RBBP8: variants seen among roughly 807,000 people sequenced by gnomAD.
RBBP8 encodes DNA endonuclease RBBP8.
Under a neutral mutation model 108.3 loss-of-function variants are expected in RBBP8, and 88 were observed. That is an observed-to-expected ratio of 0.81 (90% CI 0.68 to 0.97). The LOEUF (loss-of-function observed/expected upper bound fraction) is 0.97. Among genes scored for constraint, RBBP8 ranks in the 50% least tolerant of loss-of-function variants. RBBP8 has a pLI of 0.00. For synonymous variants in RBBP8, 332 were observed against 348.2 expected (o/e 0.95, Z 0.52); for missense variants, 1,023 against 1,049.0 (o/e 0.98, Z 0.34).
chr18:22,974,713 G>T (rs1466849483), intron 5 of RBBP8, among the ~76,000 whole-genome samples: 1 of 152,108 alleles, frequency 6.6e-6, no homozygotes, highest in Admixed American at 6.6e-5. Flanking sequence ...ACCCACCTCC[G>T]CCTCTGAGTG....
chr18:22,931,999 T>C (rs1003581973), upstream of RBBP8, among the ~76,000 whole-genome samples: 2 of 152,178 alleles, frequency 1.3e-5, no homozygotes, highest in East Asian at 1.9e-4. Flanking sequence ...TCTTGGATTA[T>C]GGAGGTAGTG....
At chr18:23,018,022 A>G (rs1321444691) in intron 17 of RBBP8, among the ~76,000 whole-genome samples, 1 of 148,090 alleles carries the variant, frequency 6.8e-6, no homozygotes, top group Non-Finnish European at 1.5e-5. Flanking sequence ...CTGGGATTAC[A>G]GACATGAACC....
chr18:22,976,637 T>G (rs888739389), intron 6 of RBBP8, among the ~76,000 whole-genome samples: 1 of 152,248 alleles, frequency 6.6e-6, no homozygotes, highest in South Asian at 2.1e-4. Flanking sequence ...CTTTCATTTT[T>G]TTTAAAAAAT....
Position 22,975,137 on chromosome 18 carries a change from T to C in RBBP8, c.362-16T>C, listed in dbSNP as rs757634106. 9 of 1,605,802 alleles carry C rather than the reference T, an allele frequency of 5.6e-6. No homozygotes were observed. Among genetic ancestry groups the C allele is most frequent in the Non-Finnish European group, 6.8e-6 (8 of 1,176,124 alleles). On this transcript the variant is annotated splice_polypyrimidine_tract_variant and intron_variant, in intron 5 of 18. Coordinates refer to ENST00000327155, the MANE Select transcript of RBBP8 (RefSeq NM_002894.3). ...ATAAATATATTATTTGCCTTCTTTT[T>C]CACATTGTTTTTAAGTGAATGAAAG... is the stretch of plus-strand genomic sequence containing the variant.
At chr18:22,983,151 T>C (rs890522776) in intron 7 of RBBP8, among the ~76,000 whole-genome samples, 2 of 152,220 alleles carry the variant, frequency 1.3e-5, no homozygotes, top group Non-Finnish European at 2.9e-5. Context: ...GTCCCAAAAT[T>C]TGTTATGTGC....
intron 16 of RBBP8, among the ~76,000 whole-genome samples, chr18:23,016,313 G>A (rs2046254572): frequency 6.6e-6 from 1 of 152,152 alleles, no homozygotes; most frequent in Non-Finnish European, 1.5e-5. Flanking sequence ...GGGAGGCTGA[G>A]GCGGGCAGAT....
chr18:22,922,844 G>A (rs1006724862), intron 3 of RBBP8, among the ~76,000 whole-genome samples: 1 of 151,896 alleles, frequency 6.6e-6, no homozygotes, highest in Non-Finnish European at 1.5e-5. Flanking sequence ...TTTGCCATTG[G>A]GTTAGATGAT....
At chr18:22,920,646 C>G (rs1234193394) in intron 3 of RBBP8, 3 of 152,028 alleles carry the variant, frequency 2.0e-5, no homozygotes, top group Non-Finnish European at 4.4e-5. Context: ...ACTCTCGAAA[C>G]ATTAAGAAAT....
rs1053358032 is a variant in RBBP8, at chr18:23,022,155, A to C, written c.2481A>C (p.Glu827Asp). ...EIYYADMPAE[E>D]REKKLASCSR... ...ATTATGCAGATATGCCAGCAGAAGA[A>C]AGAGAAAAGAAATTGGCTTCCTGCT... The change falls in exon 18 of 19, where the codon GAA becomes GAC. Residue 827 changes from glutamate (E) to aspartate (D), a missense_variant. Coordinates refer to ENST00000327155, the MANE Select transcript of RBBP8 (RefSeq NM_002894.3). The C allele has an allele frequency of 3.7e-6, 6 of 1,606,376 alleles. No homozygotes were observed. The highest frequency in any genetic ancestry group is 5.1e-6 in the Non-Finnish European group (6 of 1,173,056).
chr18:23,022,587 A>G, intron 18 of RBBP8, among the ~76,000 whole-genome samples: 1 of 120,088 alleles, frequency 8.3e-6, no homozygotes, highest in Non-Finnish European at 1.6e-5. Context: ...GGGCGACAGA[A>G]CAAGACTCTG....
chr18:22,939,349 A>G (rs1251543111), intron 2 of RBBP8, among the ~76,000 whole-genome samples: 2 of 152,134 alleles, frequency 1.3e-5, no homozygotes, highest in Non-Finnish European at 2.9e-5. Context: ...TCTACTAAAA[A>G]TACAAAATTA....
In RBBP8 at chr18:23,001,735, AT is replaced by A. The variant is rs2045952252; in HGVS notation, c.2287+13del. 6 of 1,614,070 alleles carry A rather than the reference AT, an allele frequency of 3.7e-6. No homozygotes were observed. Among genetic ancestry groups the A allele is most frequent in the South Asian group, 3.3e-5 (3 of 91,084 alleles). On this transcript the variant is annotated splice_region_variant and intron_variant, in intron 15 of 18. Transcript: ENST00000327155. The stretch of plus-strand genomic sequence containing the variant: ...TGCCACAAAGAAACTACACAGTAAG[AT>A]TTTTTTCTGTTTAATTATGGCTTCT...
intron 3 of RBBP8, among the ~76,000 whole-genome samples, chr18:22,948,724 T>C (rs1348518331): frequency 2.6e-5 from 4 of 152,172 alleles, no homozygotes; most frequent in Non-Finnish European, 5.9e-5. Flanking sequence ...CTTAATTGAT[T>C]TGATATTTTA....
intron 3 of RBBP8, among the ~76,000 whole-genome samples, chr18:22,949,415 A>G (rs1387900787): frequency 6.6e-6 from 1 of 152,246 alleles, no homozygotes; most frequent in Non-Finnish European, 1.5e-5. Flanking sequence ...CAATAGTGGC[A>G]TGATGACTTT....
chr18:23,013,966 G>T (rs1029166524), intron 16 of RBBP8, among the ~76,000 whole-genome samples: 3 of 152,090 alleles, frequency 2.0e-5, no homozygotes, highest in African/African-American at 7.2e-5. Context: ...TCACCCAAGA[G>T]CTCTGATGGA....
chr18:22,947,505 C>T (rs755697991), intron 3 of RBBP8, among the ~76,000 whole-genome samples: 7 of 151,998 alleles, frequency 4.6e-5, no homozygotes, highest in Non-Finnish European at 7.4e-5. Flanking sequence ...AAGATTTACC[C>T]AGCTTCTTAT....
In RBBP8 at chr18:22,946,639, G is replaced by A. The variant is rs112262203; in HGVS notation, c.152+153G>A. Among the ~76,000 whole-genome samples the A allele has an allele frequency of 0.015, 2,259 of 151,908 alleles. 55 individuals carry two copies. Among genetic ancestry groups the A allele is most frequent in the African/African-American group, 0.049 (2,035 of 41,448 alleles). ...TTAGCCCTACTTAGTATGGGCCTTGGTAGTCAGCAGCAGTTTTTTTTTTCA... is the reference window on the plus strand; with the variant it reads ...TTAGCCCTACTTAGTATGGGCCTTGATAGTCAGCAGCAGTTTTTTTTTTCA... On this transcript the variant is annotated intron_variant, in intron 3 of 18. Transcript: ENST00000327155.
At chr18:22,994,370 C>T (rs559173630) in intron 12 of RBBP8, among the ~76,000 whole-genome samples, 9 of 148,904 alleles carry the variant, frequency 6.0e-5, no homozygotes, top group Non-Finnish European at 1.2e-4. Context: ...TGGCCCGGTA[C>T]GGTGGCTCAC....
At chr18:22,960,353 C>A (rs1326671946) in intron 4 of RBBP8, among the ~76,000 whole-genome samples, 3 of 152,196 alleles carry the variant, frequency 2.0e-5, no homozygotes, top group Non-Finnish European at 4.4e-5. Context: ...AAGTTTGAGA[C>A]CAGCCGGGGC....
Sources: gnomAD v4.1 joint callset for allele counts (sites outside exome capture counted in the v4.1 genomes callset) on GRCh38, gnomAD v4.1.1 for gene constraint, MANE v1.5 for transcripts, NCBI Gene and HGNC (gene_info 2026-07-23, HGNC 2026-07-21) for gene names.